Variants in TENM2 observed in about 807,000 individuals in gnomAD.
TENM2 encodes the protein teneurin-2.
TENM2 carries 52 observed loss-of-function variants against 245.2 expected under a neutral mutation model. The ratio of observed to expected loss-of-function variants is 0.21; its 90% CI spans 0.17 to 0.27. The LOEUF (loss-of-function observed/expected upper bound fraction) is 0.27. Ranked by LOEUF, TENM2 falls within the 10% of genes least tolerant of loss-of-function variation. TENM2 has a pLI of 1.00. For synonymous variants in TENM2, 1,363 were observed against 1,438.9 expected, an observed-to-expected ratio of 0.95 and a Z score of 1.19; for missense variants, 3,046 against 3,666.8, an observed-to-expected ratio of 0.83 and a Z score of 4.37.
chr5:167,326,773 A>T (rs539956264), intron 1 of TENM2, among the ~76,000 whole-genome samples: 1 of 150,028 alleles, frequency 6.7e-6, no homozygotes, highest in Admixed American at 6.6e-5. Context: ...ATTGGGGAAA[A>T]CCCCAAAGTT....
intron 2 of TENM2, among the ~76,000 whole-genome samples, chr5:167,584,177 G>T (rs1775314896): frequency 6.6e-6 from 1 of 152,316 alleles, no homozygotes; most frequent in South Asian, 2.1e-4. Flanking sequence ...CACAAACAAA[G>T]CAGTGAAAGA....
the TENM2 span, among the ~76,000 whole-genome samples, chr5:167,144,113 C>G: frequency 6.6e-6 from 1 of 151,696 alleles, no homozygotes; most frequent in Non-Finnish European, 1.5e-5. Flanking sequence ...TTAGTTTCCC[C>G]AAACGGGTGT....
intron 2 of TENM2, among the ~76,000 whole-genome samples, chr5:167,385,011 A>G (rs1761334429): frequency 6.6e-6 from 1 of 152,226 alleles, no homozygotes; most frequent in South Asian, 2.1e-4. Context: ...AGTGCAATCT[A>G]TTCTGCTTAC....
chr5:167,258,231 A>ATATATATATATATATATATGTG, the TENM2 span, among the ~76,000 whole-genome samples: 4 of 96,004 alleles, frequency 4.2e-5, no homozygotes, highest in African/African-American at 1.6e-4. Flanking sequence ...ATATATGTGT[A>ATATATATATATATATATATGTG]TATATATATA....
chr5:168,103,882 A>G (rs1017988713), intron 9 of TENM2, among the ~76,000 whole-genome samples: 4 of 152,190 alleles, frequency 2.6e-5, no homozygotes, highest in Non-Finnish European at 5.9e-5. Context: ...ACCCTGAGCC[A>G]ACAGAATGAG....
At position 167,444,573 on chromosome 5, in the gene TENM2, T is replaced by C. The variant is rs1765056604; in HGVS notation, c.502+69100T>C. Among the ~76,000 whole-genome samples, 3 of 152,140 alleles carry C rather than the reference T, an allele frequency of 2.0e-5. 1 individual carries two copies. The South Asian group carries it at 6.2e-4, about 32-fold the overall frequency. The stretch of plus-strand genomic sequence containing the variant: ...ATACTTCACGTAGAGAAAGAACCTA[T>C]AGAAGTAGGTTACTGATCCTACAAT... On this transcript the variant is annotated intron_variant, in intron 2 of 28. Transcript: ENST00000518659.
the TENM2 span, among the ~76,000 whole-genome samples, chr5:167,151,359 T>G: frequency 1.3e-5 from 2 of 152,062 alleles, no homozygotes; most frequent in Non-Finnish European, 2.9e-5. Flanking sequence ...GGCCATGGAG[T>G]GCTCTCCAAC....
chr5:167,562,954 T>C (rs1773687766), intron 2 of TENM2, among the ~76,000 whole-genome samples: 1 of 136,082 alleles, frequency 7.3e-6, no homozygotes, highest in Admixed American at 7.4e-5. Context: ...CGAAATTCTG[T>C]CTCAAAAAAA....
chr5:167,999,035 G>A (rs1784252557), intron 5 of TENM2, among the ~76,000 whole-genome samples: 1 of 152,124 alleles, frequency 6.6e-6, no homozygotes, highest in African/African-American at 2.4e-5. Context: ...GAGCAGGTTT[G>A]GAGAAAACAT....
chr5:167,635,712 T>A (rs1044219782), intron 2 of TENM2, among the ~76,000 whole-genome samples: 10 of 142,774 alleles, frequency 7.0e-5, no homozygotes, highest in Admixed American at 2.2e-4. Context: ...TGGCGCTATC[T>A]CGGCTCACTG....
intron 2 of TENM2, among the ~76,000 whole-genome samples, chr5:167,776,469 G>A (rs1013916065): frequency 8.6e-5 from 13 of 151,180 alleles, no homozygotes; most frequent in Non-Finnish European, 1.0e-4. Context: ...GGTGGCGTAT[G>A]CCTGTAGTCC....
At chr5:167,027,850 A>G in the TENM2 span, among the ~76,000 whole-genome samples, 126,846 of 151,996 alleles carry the variant, frequency 0.83, 53,381 homozygotes, top group Admixed American at 0.9. Context: ...AGGCCGAGGC[A>G]GGTGGATCAT....
chr5:167,101,849 T>TTATA, the TENM2 span, among the ~76,000 whole-genome samples: 1,934 of 69,388 alleles, frequency 0.028, 97 homozygotes, highest in African/African-American at 0.038. Context: ...ATATATATAT[T>TTATA]TATATATATA....
the TENM2 span, among the ~76,000 whole-genome samples, chr5:167,058,305 C>T: frequency 1.5e-4 from 23 of 152,146 alleles, no homozygotes; most frequent in African/African-American, 5.5e-4. Flanking sequence ...GATTGACCAA[C>T]TGATTGACTC....
the TENM2 span, among the ~76,000 whole-genome samples, chr5:166,990,089 T>C: frequency 6.6e-6 from 1 of 152,264 alleles, no homozygotes; most frequent in Non-Finnish European, 1.5e-5. Flanking sequence ...GAATGTTTCA[T>C]TTCTGCTTAT....
At chr5:167,619,447 G>A (rs1331654527) in intron 2 of TENM2, among the ~76,000 whole-genome samples, 5 of 152,066 alleles carry the variant, frequency 3.3e-5, no homozygotes, top group African/African-American at 1.2e-4. Context: ...CCTAGAGGAG[G>A]GCATTATGGA....
At chr5:167,185,975 G>A in the TENM2 span, among the ~76,000 whole-genome samples, 1 of 152,108 alleles carries the variant, frequency 6.6e-6, no homozygotes, top group Non-Finnish European at 1.5e-5. Flanking sequence ...CTTTGGTGGT[G>A]GCAGGGAAAT....
rs778401983 is a variant in TENM2, at chr5:167,952,725, G to A, written c.850G>A (p.Ala284Thr). ...GACCAATCGGCGGAGTCAGATCCAC[G>A]CCCCGGCCCCAGCGCCCAATGACCT... Residue 284 changes from alanine (A) to threonine (T), a missense_variant, in exon 4 of 29, where the codon GCC (alanine) becomes ACC (threonine). Coordinates refer to ENST00000518659, the Ensembl canonical transcript of TENM2. 10 of 1,602,926 alleles carry A rather than the reference G, an allele frequency of 6.2e-6. No homozygotes were observed. The highest frequency in any genetic ancestry group is 5.6e-5 in the South Asian group (5 of 88,900).
chr5:167,830,231 G>A (rs1462213735), intron 2 of TENM2, among the ~76,000 whole-genome samples: 2 of 152,218 alleles, frequency 1.3e-5, no homozygotes, highest in African/African-American at 4.8e-5. Context: ...CCTATTTTAT[G>A]AGAGGCTATT....
Sources: gnomAD v4.1 joint callset for allele counts (sites outside exome capture counted in the v4.1 genomes callset) on GRCh38, gnomAD v4.1.1 for gene constraint, MANE v1.5 for transcripts, NCBI Gene and HGNC (gene_info 2026-07-23, HGNC 2026-07-21) for gene names.